Variants in DNAAF8 observed in about 807,000 individuals in gnomAD.
The protein encoded by DNAAF8 is dynein axonemal assembly factor 8.
In DNAAF8, 61 loss-of-function variants were observed where a neutral mutation model predicts 54.6. That is an observed-to-expected ratio of 1.12 (90% CI 0.91 to 1.38). The LOEUF is 1.38. Ranked by LOEUF, DNAAF8 falls within the 40% of genes most tolerant of loss-of-function variation. The pLI is 0.00. For synonymous variants in DNAAF8, 320 were observed against 270.1 expected, an observed-to-expected ratio of 1.18 and a Z score of -1.81; for missense variants, 837 against 665.0, an observed-to-expected ratio of 1.26 and a Z score of -2.85.
rs2081931570 is a variant in DNAAF8 at position 4,739,265 on chromosome 16, G to GTTTTTCTTTTTTTTTTTTTT, written c.277-883_277-882insCTTTTTTTTTTTTTTTTTTT. 2.9e-5 allele frequency among the ~76,000 whole-genome samples: 2 copies of GTTTTTCTTTTTTTTTTTTTT among 69,030 alleles called. 1 individual carries two copies. The highest frequency in any genetic ancestry group is 5.2e-5 in the Non-Finnish European group (2 of 38,442). 45.3% of individuals were successfully genotyped at this position (69,030 alleles called of 152,430 possible). Reference sequence around the variant, plus strand: ...AAACTCTTCTGGATGATTTTTTCTTGTTTTTTTTTTTTTTTTTTTTTGTAA... The same window carrying GTTTTTCTTTTTTTTTTTTTT: ...AAACTCTTCTGGATGATTTTTTCTTGTTTTTCTTTTTTTTTTTTTTTTTTTTTTTTTTTTTTTTTTTGTAA... On this transcript the variant is annotated intron_variant, in intron 3 of 9. Transcript: ENST00000299320.
intron 9 of DNAAF8, 24 bp downstream of exon 9, chr16:4,747,658 A>G: frequency 6.3e-7 from 1 of 1,575,520 alleles, no homozygotes; most frequent in South Asian, 1.1e-5. Context: ...AGGAGTGGGC[A>G]GGGGCGGGCT....
Position 4,738,620 on chromosome 16 carries a change from C to T in DNAAF8, c.276+674C>T, listed in dbSNP as rs1407925355. On this transcript the variant is annotated intron_variant, in intron 3 of 9. Transcript: ENST00000299320. ...ATTTCTGGCTGAGCACAGTGGCTCA[C>T]GCCTGTAATCCCAGCATTTTAGGAG... Among the ~76,000 whole-genome samples, 4 of 152,148 alleles carry T rather than the reference C, an allele frequency of 2.6e-5. No homozygotes were observed. In the East Asian group the frequency reaches 5.8e-4, roughly 22 times the overall value.
intron 1 of DNAAF8, chr16:4,735,221 T>C (rs1397955503): frequency 1.3e-5 from 2 of 152,316 alleles, no homozygotes; most frequent in Non-Finnish European, 2.9e-5. Flanking sequence ...TCAGAGTCTC[T>C]GGAGGCCCTC....
chr16:4,743,309 GC>G, intron 5 of DNAAF8, 149 bp downstream of exon 5: 1 of 580,782 alleles, frequency 1.7e-6, no homozygotes, highest in South Asian at 2.3e-5. Flanking sequence ...CACTCATGCT[GC>G]CAGTCCCCAA....
intron 5 of DNAAF8, 133 bp from the exon 6 acceptor site, chr16:4,744,737 G>A (rs2081991453): frequency 8.7e-7 from 1 of 1,148,356 alleles, no homozygotes; most frequent in Non-Finnish European, 1.2e-6. Context: ...TAGGGAGAGG[G>A]CTGGGCGGGG....
chr16:4,746,996 G>A lies in DNAAF8; in HGVS notation c.1251G>A (p.Glu417=), dbSNP rs2082025645. The A allele has an allele frequency of 6.5e-7, 1 of 1,541,294 alleles. No individual in the cohort carries two copies. Among genetic ancestry groups the A allele is most frequent in the Non-Finnish European group, 8.7e-7 (1 of 1,148,180 alleles). The change falls in exon 8 of 10, where the codon GAG becomes GAA. Residue 417 remains glutamate (E), a synonymous_variant. Coordinates refer to ENST00000299320, the MANE Select transcript of DNAAF8 (RefSeq NM_139170.3). ...EEEMAALGDA[E]GASPSSLGLR... ...AGATGGCAGCTCTGGGAGACGCAGA[G>A]GGGGCATCTCCTTCCTCCCTGGGGC...
In DNAAF8 at chr16:4,736,527, G is replaced by A. The variant is rs375626582; in HGVS notation, c.13G>A (p.Asp5Asn). The A allele has an allele frequency of 3.2e-5, 49 of 1,555,550 alleles. No individual in the cohort carries two copies. The highest frequency in any genetic ancestry group is 3.8e-5 in the Non-Finnish European group (43 of 1,143,162). The change falls in exon 2 of 10, where the codon GAT (aspartate) becomes AAT (asparagine). Residue 5 changes from aspartate to asparagine, a missense_variant. By Grantham distance (23) the Asp-to-Asn change is conservative. Transcript: ENST00000299320. The stretch of plus-strand genomic sequence containing the variant: ...AGCCTGGGCCCTCATGGCATCCAAC[G>A]ATAAAGGCATGGCACCCTCGCTGGG... MASNDKGMAPSLGSP... is the reference protein window; with the variant it reads MASNNKGMAPSLGSP...
rs189184761 is a variant in DNAAF8 at position 4,736,777 on chromosome 16, A to T, written c.129+134A>T. ...GTGCAGTTTGTTGTCATTTTACTTT[A>T]AATCGCATGGCCAGACTCAAAGTTG... On this transcript the variant is annotated intron_variant, in intron 2 of 9. Coordinates refer to ENST00000299320, the MANE Select transcript of DNAAF8 (RefSeq NM_139170.3). 95 of 1,020,240 alleles carry T rather than the reference A, an allele frequency of 9.3e-5. No individual in the cohort carries two copies. In the African/African-American group the frequency reaches 1.5e-3, roughly 16 times the overall value. The allele number at this position is 1,020,240 out of a possible 1,614,324, so 63.2% of individuals were successfully genotyped here. A position where few individuals can be genotyped will look rare whatever the true frequency, so the allele number is the denominator to read the frequency against.
chr16:4,743,052 G>C lies in DNAAF8; in HGVS notation c.793G>C (p.Ala265Pro). Reference sequence around the variant, plus strand: ...GTTTTAATGATTTCAGCAACTTGAAGCGTGGGATTTGGATGACATCCTTCA... The same window carrying C: ...GTTTTAATGATTTCAGCAACTTGAACCGTGGGATTTGGATGACATCCTTCA... ...PPVLSLQQLE[A>P]WDLDDILQSL... Residue 265 changes from alanine (A) to proline (P), a missense_variant, in exon 5 of 10, where the codon GCG becomes CCG. Transcript: ENST00000299320. 6.2e-7 allele frequency: 1 copy of C among 1,609,112 alleles called. No homozygotes were observed. The highest frequency in any genetic ancestry group is 8.5e-7 in the Non-Finnish European group (1 of 1,176,162).
chr16:4,744,783 G>T (rs2081992120), intron 5 of DNAAF8, 87 bp from the exon 6 acceptor site: 23 of 1,463,102 alleles, frequency 1.6e-5, no homozygotes. Context: ...CACATGTGGA[G>T]ACCCCAGGGG....
intron 9 of DNAAF8, 38 bp downstream of exon 9, chr16:4,747,672 T>C: frequency 6.4e-7 from 1 of 1,557,764 alleles, no homozygotes; most frequent in Non-Finnish European, 8.7e-7. Context: ...GCGGGCTGAC[T>C]TGCCATGGAC....
chr16:4,738,247 G>C (rs2081919799), intron 3 of DNAAF8, among the ~76,000 whole-genome samples: 1 of 152,106 alleles, frequency 6.6e-6, no homozygotes, highest in Non-Finnish European at 1.5e-5. Context: ...AATAGCTTCT[G>C]GCCATTGTCA....
chr16:4,735,826 C>T (rs1398386606), intron 1 of DNAAF8, among the ~76,000 whole-genome samples: 1 of 152,162 alleles, frequency 6.6e-6, no homozygotes, highest in Non-Finnish European at 1.5e-5. Flanking sequence ...TGTGGTGGTA[C>T]ACACCTGTAG....
chr16:4,743,085 G>C lies in DNAAF8; in HGVS notation c.826G>C (p.Ala276Pro), dbSNP rs1596484823. The part of the protein sequence containing the change: ...WDLDDILQSL[A>P]GQEDNQGNRA... ...TTTGGATGACATCCTTCAGAGTCTG[G>C]CGGGACAAGAAGACAACCAGGGAAA... The change falls in exon 5 of 10, where the codon GCG becomes CCG. Residue 276 changes from alanine (A) to proline (P), a missense_variant. Coordinates refer to ENST00000299320, the MANE Select transcript of DNAAF8 (RefSeq NM_139170.3). 6.2e-7 allele frequency: 1 copy of C among 1,612,452 alleles called. No individual in the cohort carries two copies. The highest frequency in any genetic ancestry group is 2.2e-5 in the East Asian group (1 of 44,720).
At chr16:4,741,423 T>C (rs967793715) in intron 4 of DNAAF8, among the ~76,000 whole-genome samples, 2 of 152,156 alleles carry the variant, frequency 1.3e-5, no homozygotes, top group Admixed American at 6.6e-5. Flanking sequence ...CATAAACTAG[T>C]GAGCACCTGT....
At position 4,747,542 on chromosome 16, in the gene DNAAF8, A is replaced by G. The variant is rs1181578843; in HGVS notation, c.1480A>G (p.Arg494Gly). The part of the protein sequence containing the change: ...KGQSAQARLP[R>G]GRPRALGDVP... ...GCAGAGCGCCCAGGCTCGACTCCCA[A>G]GAGGCAGGCCCAGAGCCCTGGGGGA... The change falls in exon 9 of 10, where the codon AGA becomes GGA. Residue 494 changes from arginine (R) to glycine (G), a missense_variant. By Grantham distance (125) the Arg-to-Gly change is moderately radical. Coordinates refer to ENST00000299320, the MANE Select transcript of DNAAF8 (RefSeq NM_139170.3). The G allele has an allele frequency of 1.9e-6, 3 of 1,612,874 alleles. No homozygotes were observed. Among genetic ancestry groups the G allele is most frequent in the Non-Finnish European group, 1.7e-6 (2 of 1,179,838 alleles).
chr16:4,746,951 TGAGGAGGAG>T lies in DNAAF8; in HGVS notation c.1215_1223del (p.Glu407_Glu409del). ...GCTCCAGCCACAGCTCCTCTGACAG[TGAGGAGGAG>T]GAGGAGGAAGAGATGGCAGCTCTGG... On this transcript the variant is annotated inframe_deletion, in exon 8 of 10. Transcript: ENST00000299320. 6.4e-7 allele frequency: 1 copy of T among 1,553,576 alleles called. No individual in the cohort carries two copies. Among genetic ancestry groups the T allele is most frequent in the Non-Finnish European group, 8.7e-7 (1 of 1,152,630 alleles).
At chr16:4,736,173 A>G (rs926036540) in intron 1 of DNAAF8, among the ~76,000 whole-genome samples, 7 of 152,124 alleles carry the variant, frequency 4.6e-5, no homozygotes, top group Admixed American at 1.3e-4. Flanking sequence ...ACATGTACAT[A>G]TATCTACATA....
Position 4,746,414 on chromosome 16 carries a change from C to A in DNAAF8, c.1083C>A (p.Gly361=), listed in dbSNP as rs776331529. ...SRKQGSQAGP[G]PQLAQGMRLN... ...AGCAGGGCTCCCAGGCTGGGCCAGGCCCGCAGCTGGCCCAGGGCATGAGGC... is the reference window on the plus strand; with the variant it reads ...AGCAGGGCTCCCAGGCTGGGCCAGGACCGCAGCTGGCCCAGGGCATGAGGC... Residue 361 remains glycine (G), a synonymous_variant, in exon 7 of 10, where the codon GGC becomes GGA. Transcript: ENST00000299320. 4.3e-6 allele frequency: 7 copies of A among 1,613,034 alleles called. No homozygotes were observed. In the East Asian group the frequency reaches 6.7e-5, roughly 15 times the overall value.
Sources: allele counts gnomAD v4.1 joint callset (sites outside exome capture counted in the v4.1 genomes callset), GRCh38; gene constraint gnomAD v4.1.1; transcripts MANE v1.5; gene names NCBI Gene and HGNC (gene_info 2026-07-23, HGNC 2026-07-21).